The following RNF8 variants were observed in gnomAD, a reference collection of about 807,000 sequenced individuals.
RNF8 encodes E3 ubiquitin-protein ligase RNF8.
In RNF8, 8 loss-of-function variants were observed where a neutral mutation model predicts 59.3. That is an observed-to-expected ratio of 0.13 (90% CI 0.08 to 0.24). The LOEUF (loss-of-function observed/expected upper bound fraction) is 0.24. RNF8 is among the 10% of genes least tolerant of loss of function. The probability of loss-of-function intolerance (pLI) is 1.00; values close to 1 mark genes in which losing one functional copy is unlikely to be tolerated. For synonymous variants in RNF8, 162 were observed against 200.0 expected (o/e 0.81, Z 1.60); for missense variants, 406 against 572.6 (o/e 0.71, Z 2.97).
intron 2 of RNF8, among the ~76,000 whole-genome samples, chr6:37,368,041 C>T (rs1769637114): frequency 6.6e-6 from 1 of 152,148 alleles, no homozygotes; most frequent in Admixed American, 6.5e-5. Flanking sequence ...GCTTGCTTAC[C>T]AGTGCGTTAA....
chr6:37,390,631 G>A (rs753525945), intron 7 of RNF8, 111 bp from the exon 8 acceptor site: 18 of 731,236 alleles, frequency 2.5e-5, no homozygotes, highest in Admixed American at 2.0e-4. Flanking sequence ...TTCTCAGTTC[G>A]CTATGGCTGC....
chr6:37,393,269 C>G lies in RNF8; in HGVS notation c.*2511C>G, dbSNP rs1041348030. Reference sequence around the variant, plus strand: ...TGTCTTGGTTTTGGTTTCTTCATCTCTAAGTAATTATATCTGTCATTATTG... The same window carrying G: ...TGTCTTGGTTTTGGTTTCTTCATCTGTAAGTAATTATATCTGTCATTATTG... On this transcript the variant is annotated 3_prime_UTR_variant, in exon 8 of 8. Transcript: ENST00000373479. 1 of 152,174 alleles carries G rather than the reference C, an allele frequency of 6.6e-6. No homozygotes were observed. Among genetic ancestry groups the G allele is most frequent in the Admixed American group, 6.5e-5 (1 of 15,272 alleles). The allele number at this position is 152,174 out of a possible 1,614,324, so 9.4% of individuals were successfully genotyped here.
At chr6:37,376,233 C>T (rs1770008979) in intron 5 of RNF8, among the ~76,000 whole-genome samples, 1 of 152,108 alleles carries the variant, frequency 6.6e-6, no homozygotes, top group Non-Finnish European at 1.5e-5. Context: ...TACTTAATGT[C>T]CCATCTGGTC....
intron 2 of RNF8, among the ~76,000 whole-genome samples, chr6:37,363,494 G>T (rs1452131178): frequency 6.6e-6 from 1 of 152,142 alleles, no homozygotes; most frequent in Non-Finnish European, 1.5e-5. Context: ...TTCACAAAAG[G>T]TTCTATCCAA....
intron 2 of RNF8, among the ~76,000 whole-genome samples, chr6:37,364,625 G>T (rs977920330): frequency 2.0e-5 from 3 of 152,114 alleles, no homozygotes; most frequent in Admixed American, 6.5e-5. Context: ...ATATAAAATG[G>T]TACCTCCACT....
chr6:37,365,287 C>A (rs1179898922), intron 2 of RNF8, among the ~76,000 whole-genome samples: 1 of 152,098 alleles, frequency 6.6e-6, no homozygotes, highest in East Asian at 1.9e-4. Flanking sequence ...GTATTACATT[C>A]TGGGAAAGAG....
intron 6 of RNF8, among the ~76,000 whole-genome samples, chr6:37,380,442 G>A (rs1179803855): frequency 6.6e-6 from 1 of 151,882 alleles, no homozygotes; most frequent in Non-Finnish European, 1.5e-5. Context: ...AGGCCGAGGC[G>A]GGCAGATCAC....
Position 37,390,708 on chromosome 6 carries a change from C to T in RNF8, c.1442-34C>T, listed in dbSNP as rs771756103. 39 of 1,534,396 alleles carry T rather than the reference C, an allele frequency of 2.5e-5. No homozygotes were observed. In the South Asian group the frequency reaches 2.9e-4, roughly 11 times the overall value. On this transcript the variant is annotated intron_variant, in intron 7 of 7. Coordinates refer to ENST00000373479, the MANE Select transcript of RNF8 (RefSeq NM_003958.4). Reference sequence around the variant, plus strand: ...GTCCACGGAAGGGAAATACAGGCTCCTCATTTATTTATTTCTCTTCTTTTT... The same window carrying T: ...GTCCACGGAAGGGAAATACAGGCTCTTCATTTATTTATTTCTCTTCTTTTT...
At chr6:37,358,818 C>T (rs1200313743) in intron 1 of RNF8, among the ~76,000 whole-genome samples, 7 of 152,002 alleles carry the variant, frequency 4.6e-5, no homozygotes, top group African/African-American at 9.7e-5. Flanking sequence ...TGCAGGGAGC[C>T]GGGCGCGGTG....
At position 37,360,600 on chromosome 6, in the gene RNF8, G is replaced by T; in HGVS notation, c.240+26G>T. 1 of 1,583,162 alleles carries T rather than the reference G, an allele frequency of 6.3e-7. No homozygotes were observed. The highest frequency in any genetic ancestry group is 1.2e-5 in the South Asian group (1 of 85,320). ...GTACAGGAATTCACAGAAGCCTAAT[G>T]ACTTTTATTTGTTTTTAAATTACTT... On this transcript the variant is annotated intron_variant, in intron 2 of 7. Transcript: ENST00000373479. The surrounding 1 kb of genome is among the most constrained non-coding windows in gnomAD (Gnocchi z 4.2).
At chr6:37,378,447 A>C (rs1399343323) in intron 6 of RNF8, among the ~76,000 whole-genome samples, 1 of 152,074 alleles carries the variant, frequency 6.6e-6, no homozygotes, top group Non-Finnish European at 1.5e-5. Context: ...CTAAAAATAC[A>C]AAAATTAGCC....
intron 6 of RNF8, among the ~76,000 whole-genome samples, chr6:37,378,600 C>CAA (rs554259061): frequency 6.5e-3 from 357 of 54,840 alleles, no homozygotes; most frequent in East Asian, 8.4e-3. Flanking sequence ...GACTCCGTCT[C>CAA]AAAAAAAAAA....
chr6:37,385,100 G>A (rs1229678589), intron 7 of RNF8, among the ~76,000 whole-genome samples: 2 of 151,320 alleles, frequency 1.3e-5, no homozygotes, highest in African/African-American at 4.9e-5. Context: ...CACAACCTCC[G>A]CCTCCCGGGT....
At chr6:37,370,815 A>C (rs1205165547) in intron 3 of RNF8, among the ~76,000 whole-genome samples, 1 of 152,050 alleles carries the variant, frequency 6.6e-6, no homozygotes, top group African/African-American at 2.4e-5. Context: ...TGAGGAGGCA[A>C]GATGTTTCCT....
At chr6:37,379,176 G>A (rs534264465) in intron 6 of RNF8, among the ~76,000 whole-genome samples, 2 of 152,092 alleles carry the variant, frequency 1.3e-5, no homozygotes, top group East Asian at 3.9e-4. Flanking sequence ...ACCACACCCA[G>A]CTAATTTTTT....
At chr6:37,359,409 C>A in intron 1 of RNF8, 2 of 249,390 alleles carry the variant, frequency 8.0e-6, no homozygotes, top group South Asian at 4.7e-5. Flanking sequence ...TGGCTGCATC[C>A]CATTCTGTGT....
chr6:37,364,282 T>C (rs1439748232), intron 2 of RNF8, among the ~76,000 whole-genome samples: 1 of 148,444 alleles, frequency 6.7e-6, no homozygotes, highest in African/African-American at 2.6e-5. Flanking sequence ...AAAATTTACA[T>C]GTGCTGTTAA....
At chr6:37,362,120 A>G (rs1402621367) in intron 2 of RNF8, among the ~76,000 whole-genome samples, 1 of 152,256 alleles carries the variant, frequency 6.6e-6, no homozygotes. Context: ...AAAACAGCTT[A>G]GGAAAAGATG....
chr6:37,379,273 C>G (rs1770155864), intron 6 of RNF8, among the ~76,000 whole-genome samples: 3 of 152,144 alleles, frequency 2.0e-5, no homozygotes, highest in African/African-American at 4.8e-5. Context: ...GCCTCGGCCT[C>G]CCAAAGTGCT....
Sources: gnomAD v4.1 joint callset for allele counts (sites outside exome capture counted in the v4.1 genomes callset) on GRCh38, gnomAD v4.1.1 for gene constraint, Gnocchi (gnomAD v3.1) non-coding constraint, MANE v1.5 for transcripts, NCBI Gene and HGNC (gene_info 2026-07-23, HGNC 2026-07-21) for gene names.